Variants in ERG observed in about 807,000 individuals in gnomAD.
The protein encoded by ERG is ETS transcription factor ERG.
ERG carries 9 observed loss-of-function variants against 55.3 expected under a neutral mutation model. The ratio of observed to expected loss-of-function variants is 0.16; its 90% CI spans 0.10 to 0.28. The LOEUF (loss-of-function observed/expected upper bound fraction) is 0.28. ERG is among the 10% of genes least tolerant of loss of function. The pLI, the probability that ERG is intolerant of heterozygous loss-of-function variation, is 1.00. For missense variants in ERG, 434 were observed against 631.6 expected (o/e 0.69, Z 3.35); for synonymous variants, 223 against 237.3 (o/e 0.94, Z 0.55).
chr21:38,430,744 A>G (rs9977163), intron 2 of ERG, among the ~76,000 whole-genome samples: 119,599 of 152,162 alleles, frequency 0.79, 47,465 homozygotes, highest in South Asian at 0.92. Context: ...ACAACTCCCT[A>G]GCAACACCCT....
chr21:38,584,188 C>T (rs914755976), intron 1 of ERG, among the ~76,000 whole-genome samples: 1 of 152,206 alleles, frequency 6.6e-6, no homozygotes, highest in Non-Finnish European at 1.5e-5. Context: ...ATTCTGCGGC[C>T]TGCATGAGTG....
chr21:38,573,589 C>CT, intron 2 of ERG, among the ~76,000 whole-genome samples: 1 of 152,346 alleles, frequency 6.6e-6, no homozygotes, highest in East Asian at 1.9e-4. Context: ...TTCCCTTGAA[C>CT]TTAATTATGA....
At chr21:38,538,152 G>A (rs2059725334) in intron 2 of ERG, among the ~76,000 whole-genome samples, 1 of 152,122 alleles carries the variant, frequency 6.6e-6, no homozygotes, top group Admixed American at 6.6e-5. Context: ...TAAAATGATG[G>A]TTTCCAGGGG....
chr21:38,479,453 T>C (rs2059217675), intron 1 of ERG, among the ~76,000 whole-genome samples: 1 of 152,208 alleles, frequency 6.6e-6, no homozygotes, highest in South Asian at 2.1e-4. Context: ...AAGTAGGATC[T>C]TTGCAGATGT....
At chr21:38,555,199 C>T (rs1194147627) in intron 2 of ERG, among the ~76,000 whole-genome samples, 3 of 151,956 alleles carry the variant, frequency 2.0e-5, no homozygotes, top group East Asian at 3.9e-4. Flanking sequence ...TGGTGGCACA[C>T]GCCTGTAATC....
At chr21:38,493,086 T>A (rs2059349848) in intron 1 of ERG, among the ~76,000 whole-genome samples, 1 of 152,134 alleles carries the variant, frequency 6.6e-6, no homozygotes, top group Non-Finnish European at 1.5e-5. Flanking sequence ...TTTTTTAAAT[T>A]GGCAAATATT....
intron 2 of ERG, among the ~76,000 whole-genome samples, chr21:38,545,746 T>G (rs149363809): frequency 1.3e-5 from 2 of 152,234 alleles, no homozygotes; most frequent in African/African-American, 4.8e-5. Flanking sequence ...ACTTGGCTTC[T>G]ACTGAGCTCC....
At chr21:38,649,851 T>A (rs2060478280) in intron 1 of ERG, among the ~76,000 whole-genome samples, 1 of 152,200 alleles carries the variant, frequency 6.6e-6, no homozygotes, top group South Asian at 2.1e-4. Context: ...TGCTTCTCCA[T>A]TTGTCCTTAC....
At chr21:38,463,564 T>C (rs989740138) in intron 1 of ERG, among the ~76,000 whole-genome samples, 1 of 152,192 alleles carries the variant, frequency 6.6e-6, no homozygotes, top group South Asian at 2.1e-4. Context: ...ATGCTAAGTG[T>C]GTCGACTGGA....
chr21:38,428,208 GA>G (rs1297760437), intron 2 of ERG, among the ~76,000 whole-genome samples: 1 of 151,478 alleles, frequency 6.6e-6, no homozygotes, highest in Non-Finnish European at 1.5e-5. Flanking sequence ...GAGAAAAAAA[GA>G]AAAGGAAATT....
chr21:38,398,344 G>A (rs1230638913), intron 6 of ERG, among the ~76,000 whole-genome samples: 2 of 152,168 alleles, frequency 1.3e-5, no homozygotes, highest in African/African-American at 4.8e-5. Context: ...CCTGAATAGG[G>A]CCTACAGTAA....
intron 3 of ERG, among the ~76,000 whole-genome samples, chr21:38,421,058 C>T: frequency 6.6e-6 from 1 of 152,132 alleles, no homozygotes; most frequent in East Asian, 1.9e-4. Context: ...CACATCCTAG[C>T]CTTCGAGTTT....
intron 2 of ERG, among the ~76,000 whole-genome samples, chr21:38,436,682 C>CTA (rs1481194946): frequency 6.6e-6 from 1 of 152,188 alleles, no homozygotes; most frequent in Non-Finnish European, 1.5e-5. Context: ...ATACCAAAAT[C>CTA]TATTAATAAA....
chr21:38,557,209 T>C (rs2059863806), intron 2 of ERG, among the ~76,000 whole-genome samples: 1 of 152,234 alleles, frequency 6.6e-6, no homozygotes. Context: ...AGAAAAGTGT[T>C]AAATCTCCAG....
chr21:38,500,873 C>T (rs1032375089), upstream of ERG, among the ~76,000 whole-genome samples: 1 of 151,970 alleles, frequency 6.6e-6, no homozygotes, highest in African/African-American at 2.4e-5. Flanking sequence ...AAATTCTGTT[C>T]CAAAATTTTA....
intron 2 of ERG, among the ~76,000 whole-genome samples, chr21:38,551,544 T>C (rs2059824440): frequency 6.6e-6 from 1 of 152,176 alleles, no homozygotes; most frequent in African/African-American, 2.4e-5. Context: ...TCTGGTATGG[T>C]GTATCTTTGT....
chr21:38,579,420 T>A (rs778837470), intron 1 of ERG, among the ~76,000 whole-genome samples: 2 of 152,146 alleles, frequency 1.3e-5, no homozygotes, highest in Non-Finnish European at 2.9e-5. Context: ...TTCATACAGA[T>A]ATGAAGCGGT....
intron 1 of ERG, among the ~76,000 whole-genome samples, chr21:38,484,349 A>G (rs993322444): frequency 6.6e-6 from 1 of 152,102 alleles, no homozygotes; most frequent in African/African-American, 2.4e-5. Context: ...AGAATGTGCC[A>G]CTCTAAGTAG....
intron 2 of ERG, among the ~76,000 whole-genome samples, chr21:38,539,452 T>C (rs956540514): frequency 2.4e-4 from 37 of 152,198 alleles, no homozygotes; most frequent in African/African-American, 8.9e-4. Context: ...AGAAAATACA[T>C]GATGGAAATT....
Sources: allele counts gnomAD v4.1 joint callset (sites outside exome capture counted in the v4.1 genomes callset), GRCh38; gene constraint gnomAD v4.1.1; transcripts MANE v1.5; gene names NCBI Gene and HGNC (gene_info 2026-07-23, HGNC 2026-07-21).